DSCAM: variants seen among roughly 807,000 people sequenced by gnomAD.
DSCAM encodes the protein cell adhesion molecule DSCAM.
DSCAM carries 47 observed loss-of-function variants against 217.7 expected under a neutral mutation model. The observed-to-expected ratio is 0.22, with a 90% CI of 0.17 to 0.28. DSCAM has a LOEUF of 0.28. DSCAM is among the 10% of genes least tolerant of loss of function. The probability of loss-of-function intolerance (pLI) is 1.00; values close to 1 mark genes in which losing one functional copy is unlikely to be tolerated. For missense variants in DSCAM, 2,080 were observed against 2,618.3 expected (o/e 0.79, Z 4.49); for synonymous variants, 1,056 against 1,015.3 (o/e 1.04, Z -0.76).
intron 11 of DSCAM, among the ~76,000 whole-genome samples, chr21:40,239,925 C>G (rs185037019): frequency 1.3e-5 from 2 of 152,266 alleles, no homozygotes; most frequent in East Asian, 3.9e-4. Context: ...TCCAGGCGAG[C>G]ATCTCAGTTA....
At chr21:40,464,651 C>T (rs1249700353) in intron 3 of DSCAM, among the ~76,000 whole-genome samples, 1 of 152,174 alleles carries the variant, frequency 6.6e-6, no homozygotes, top group Non-Finnish European at 1.5e-5. Flanking sequence ...TTTCCTCCAT[C>T]TTTGAAAGAG....
At chr21:40,793,657 A>T (rs2091666414) in intron 1 of DSCAM, among the ~76,000 whole-genome samples, 1 of 151,654 alleles carries the variant, frequency 6.6e-6, no homozygotes, top group East Asian at 1.9e-4. Context: ...TGGCTGGCTA[A>T]TTTTCGTATT....
chr21:40,036,216 T>C (rs1039517145), intron 32 of DSCAM, among the ~76,000 whole-genome samples: 8 of 147,614 alleles, frequency 5.4e-5, no homozygotes, highest in Non-Finnish European at 5.9e-5. Context: ...AAAAAATTAA[T>C]GAATCCAGGA....
chr21:40,187,234 C>A lies in DSCAM; in HGVS notation c.2676G>T (p.Glu892Asp). 1 of 1,614,056 alleles carries A rather than the reference C, an allele frequency of 6.2e-7. No individual in the cohort carries two copies. Among genetic ancestry groups the A allele is most frequent in the Non-Finnish European group, 8.5e-7 (1 of 1,179,964 alleles). Reference protein sequence around the residue: ...VQEPPDPPEIEIKDVKARTIT... With the variant: ...VQEPPDPPEIDIKDVKARTIT... The stretch of plus-strand genomic sequence containing the variant: ...TTGTGCGTGCTTTGACATCTTTGAT[C>A]TCAATTTCGGGAGGGTCTGGGGGCT... The change falls in exon 14 of 33, where the codon GAG (glutamate) becomes GAT (aspartate). Residue 892 changes from glutamate (E) to aspartate (D), a missense_variant. Glu to Asp is a conservative substitution (Grantham distance 45). Around this residue, in one of 5 missense-constraint regions of DSCAM, gnomAD observed 1,144 missense variants for 1,421.1 expected, o/e 0.81. Coordinates refer to ENST00000400454, the MANE Select transcript of DSCAM (RefSeq NM_001389.5).
At chr21:40,062,752 A>T in intron 28 of DSCAM, 117 bp downstream of exon 28, 1 of 965,842 alleles carries the variant, frequency 1.0e-6, no homozygotes, top group Non-Finnish European at 1.5e-6. Flanking sequence ...GTTTTTTCTA[A>T]AAAGAAAAGA....
At chr21:40,438,327 G>A (rs1261471055) in intron 3 of DSCAM, among the ~76,000 whole-genome samples, 2 of 152,196 alleles carry the variant, frequency 1.3e-5, no homozygotes, top group Non-Finnish European at 1.5e-5. Context: ...ACGATCATGT[G>A]TTATGTTAAT....
chr21:40,672,263 C>T (rs1303109943), intron 3 of DSCAM, among the ~76,000 whole-genome samples: 3 of 152,042 alleles, frequency 2.0e-5, no homozygotes. Context: ...AGAAGGTGCT[C>T]TTGGTGGTCT....
intron 1 of DSCAM, among the ~76,000 whole-genome samples, chr21:40,780,611 G>A (rs916956238): frequency 6.6e-6 from 1 of 151,770 alleles, no homozygotes; most frequent in Non-Finnish European, 1.5e-5. Context: ...GGTCTTTAAA[G>A]GGGTATTTAA....
chr21:40,014,065 C>G (rs2088111374), intron 32 of DSCAM, among the ~76,000 whole-genome samples: 1 of 152,230 alleles, frequency 6.6e-6, no homozygotes, highest in Admixed American at 6.5e-5. Context: ...TTCTGTGGTG[C>G]CACGCAAACA....
chr21:40,070,644 G>A (rs1254729217), intron 27 of DSCAM, among the ~76,000 whole-genome samples: 1 of 152,184 alleles, frequency 6.6e-6, no homozygotes, highest in East Asian at 1.9e-4. Context: ...TCTATCTCAA[G>A]TCTGAGTGTC....
At chr21:40,049,196 G>C (rs2088889940) in intron 30 of DSCAM, among the ~76,000 whole-genome samples, 1 of 152,122 alleles carries the variant, frequency 6.6e-6, no homozygotes, top group African/African-American at 2.4e-5. Flanking sequence ...AAGCCCCAGG[G>C]ACAGCATCTC....
intron 20 of DSCAM, among the ~76,000 whole-genome samples, chr21:40,096,791 C>A (rs2089682875): frequency 6.6e-6 from 1 of 151,258 alleles, no homozygotes; most frequent in African/African-American, 2.4e-5. Flanking sequence ...TTAAAAGTAG[C>A]CAGAGAAAGT....
intron 3 of DSCAM, among the ~76,000 whole-genome samples, chr21:40,664,443 G>C (rs2090177009): frequency 6.6e-6 from 1 of 152,214 alleles, no homozygotes; most frequent in Non-Finnish European, 1.5e-5. Context: ...CACTTGGAGA[G>C]GACCGACAGG....
At chr21:40,572,877 G>A (rs965053816) in intron 3 of DSCAM, among the ~76,000 whole-genome samples, 12 of 151,942 alleles carry the variant, frequency 7.9e-5, no homozygotes, top group African/African-American at 2.9e-4. Flanking sequence ...AAGAACATAG[G>A]AGATTTTAAT....
chr21:40,575,637 AGAG>A (rs2076844258), intron 3 of DSCAM, among the ~76,000 whole-genome samples: 2 of 152,220 alleles, frequency 1.3e-5, no homozygotes, highest in African/African-American at 4.8e-5. Flanking sequence ...AAAATTAACT[AGAG>A]AAAAATAAAA....
chr21:40,429,634 T>C (rs1055643173), intron 3 of DSCAM, among the ~76,000 whole-genome samples: 1 of 152,204 alleles, frequency 6.6e-6, no homozygotes, highest in Non-Finnish European at 1.5e-5. Flanking sequence ...GGGCTGCCAC[T>C]TGTAGTTTGG....
chr21:40,719,424 C>A (rs1452985141), intron 1 of DSCAM, among the ~76,000 whole-genome samples: 3 of 152,154 alleles, frequency 2.0e-5, no homozygotes, highest in Non-Finnish European at 4.4e-5. Context: ...CATGTGTACA[C>A]TGTGACTCAA....
At chr21:40,568,754 G>T (rs534228202) in intron 3 of DSCAM, among the ~76,000 whole-genome samples, 12 of 152,290 alleles carry the variant, frequency 7.9e-5, no homozygotes, top group Admixed American at 4.6e-4. Flanking sequence ...TTTAATGTCT[G>T]CCCTATAAGC....
chr21:40,538,742 G>C (rs2146126957), intron 3 of DSCAM, among the ~76,000 whole-genome samples: 1 of 152,254 alleles, frequency 6.6e-6, no homozygotes, highest in South Asian at 2.1e-4. Context: ...CAGATCTTAA[G>C]GCCTCTCAGG....
Sources: allele counts gnomAD v4.1 joint callset (sites outside exome capture counted in the v4.1 genomes callset), GRCh38; gene constraint gnomAD v4.1.1; regional missense constraint gnomAD v4.1.1; transcripts MANE v1.5; gene names NCBI Gene and HGNC (gene_info 2026-07-23, HGNC 2026-07-21).